Variants in FGF20 observed in about 807,000 individuals in gnomAD.
FGF20 encodes the protein fibroblast growth factor 20.
In FGF20, 8 loss-of-function variants were observed where a neutral mutation model predicts 16.7. The observed-to-expected ratio is 0.48, with a 90% CI of 0.28 to 0.87. FGF20 has a LOEUF of 0.87. Ranked by LOEUF, FGF20 falls within the 40% of genes least tolerant of loss-of-function variation. FGF20 has a pLI of 0.10. For missense variants in FGF20, 397 were observed against 281.4 expected, an observed-to-expected ratio of 1.41 and a Z score of -2.94; for synonymous variants, 161 against 118.6, an observed-to-expected ratio of 1.36 and a Z score of -2.32.
intron 1 of FGF20, 37 bp from the exon 2 acceptor site, chr8:16,995,795 T>A (rs747625402): frequency 1.6e-6 from 2 of 1,234,708 alleles, no homozygotes; most frequent in Non-Finnish European, 2.3e-6. Context: ...CACCATGTTT[T>A]GTATTTATGC....
At chr8:17,001,677 G>C in intron 1 of FGF20, 70 bp downstream of exon 1, 1 of 1,451,954 alleles carries the variant, frequency 6.9e-7, no homozygotes, top group Non-Finnish European at 9.1e-7. Flanking sequence ...AAAGAGGGAG[G>C]TGCAAGGGGA....
At chr8:16,999,421 A>C (rs1194897086) in intron 1 of FGF20, among the ~76,000 whole-genome samples, 1 of 151,864 alleles carries the variant, frequency 6.6e-6, no homozygotes, top group African/African-American at 2.4e-5. Context: ...ATATTTACTA[A>C]TCTCTCCCCA....
chr8:16,998,725 G>A (rs1328151089), intron 1 of FGF20, among the ~76,000 whole-genome samples: 1 of 151,682 alleles, frequency 6.6e-6, no homozygotes, highest in Admixed American at 6.6e-5. Flanking sequence ...TAAAGGAAAA[G>A]CCTTTAAAGA....
intron 1 of FGF20, among the ~76,000 whole-genome samples, chr8:16,998,777 T>A (rs947332307): frequency 2.0e-5 from 3 of 151,606 alleles, no homozygotes; most frequent in African/African-American, 7.3e-5. Flanking sequence ...TTTTCAGAAA[T>A]GATTCCATGT....
rs767173525 is a variant in FGF20 at position 16,993,159 on chromosome 8, C to T, written c.549G>A (p.Arg183=). 3.1e-6 allele frequency: 5 copies of T among 1,613,918 alleles called. No individual in the cohort carries two copies. The highest frequency in any genetic ancestry group is 4.5e-5 in the East Asian group (2 of 44,874). The part of the protein sequence containing the change: ...GTPRDGARSK[R]HQKFTHFLPR... ...GTAAGAAATGTGTAAATTTCTGATG[C>T]CTCTTGGACCTGGCGCCATCTCTTG... The change falls in exon 3 of 3, where the codon AGG becomes AGA. Residue 183 remains arginine (R), a synonymous_variant. Coordinates refer to ENST00000180166, the MANE Select transcript of FGF20 (RefSeq NM_019851.3).
intron 1 of FGF20, among the ~76,000 whole-genome samples, chr8:16,997,851 TTA>T (rs1810091089): frequency 6.6e-6 from 1 of 152,212 alleles, no homozygotes; most frequent in Non-Finnish European, 1.5e-5. Flanking sequence ...AATATATATA[TTA>T]ATGTAACTTC....
intron 2 of FGF20, 30 bp downstream of exon 2, chr8:16,995,625 A>G (rs1263554208): frequency 3.1e-6 from 3 of 962,990 alleles, no homozygotes; most frequent in South Asian, 3.9e-5. Flanking sequence ...AAGAATTACA[A>G]TAATAATAAA....
At chr8:16,997,185 G>A (rs903451945) in intron 1 of FGF20, among the ~76,000 whole-genome samples, 5 of 151,988 alleles carry the variant, frequency 3.3e-5, no homozygotes, top group Admixed American at 3.3e-4. Context: ...CCTCCCTCTG[G>A]ATCACCCTTT....
Position 17,001,793 on chromosome 8 carries a change from C to T in FGF20, c.240G>A (p.Leu80=). 6.4e-7 allele frequency: 1 copy of T among 1,567,926 alleles called. No individual in the cohort carries two copies. Among genetic ancestry groups the T allele is most frequent in the Non-Finnish European group, 8.6e-7 (1 of 1,161,288 alleles). Residue 80 remains leucine, a synonymous_variant, in exon 1 of 3, where the codon CTG becomes CTA. Transcript: ENST00000180166. ...GGGTGCCCTGCACGCTGCCGTCGGG[C>T]AGGATCTGCAGGTGGAAGCCGGTGC... is the stretch of plus-strand genomic sequence containing the variant. ...YCRTGFHLQI[L]PDGSVQGTRQ... is the part of the protein sequence containing the mutation.
Position 16,993,855 on chromosome 8 carries a change from C to T in FGF20, c.391-538G>A, listed in dbSNP as rs17550311. On this transcript the variant is annotated intron_variant, in intron 2 of 2. Transcript: ENST00000180166. ...TGCACAGTTCACAATAGGGTTCATG[C>T]TCCTATGAGAATTTAATGCTGCCGC... Among the ~76,000 whole-genome samples, 416 of 152,234 alleles carry T rather than the reference C, an allele frequency of 2.7e-3. 7 individuals carry two copies. Among genetic ancestry groups the T allele is most frequent in the African/African-American group, 8.2e-3 (340 of 41,542 alleles).
intron 1 of FGF20, among the ~76,000 whole-genome samples, chr8:16,998,285 C>T (rs906451962): frequency 2.0e-5 from 3 of 152,162 alleles, no homozygotes; most frequent in African/African-American, 7.2e-5. Context: ...AAACCTTATA[C>T]ATAACCAGGT....
intron 2 of FGF20, among the ~76,000 whole-genome samples, chr8:16,995,068 G>A (rs1414657477): frequency 3.9e-5 from 6 of 152,172 alleles, no homozygotes; most frequent in Non-Finnish European, 2.9e-5. Flanking sequence ...TAGACCCACA[G>A]ACGTGCACTT....
chr8:16,998,886 C>CAA lies in FGF20; in HGVS notation c.286+2859_286+2860dup, dbSNP rs34706124. Among the ~76,000 whole-genome samples the CAA allele has an allele frequency of 5.4e-4, 77 of 142,070 alleles. 1 individual carries two copies. Among genetic ancestry groups the CAA allele is most frequent in the African/African-American group, 2.0e-3 (75 of 37,476 alleles). The allele number at this position is 142,070 out of a possible 152,430, so 93.2% of individuals were successfully genotyped here. On this transcript the variant is annotated intron_variant, in intron 1 of 2. Coordinates refer to ENST00000180166, the MANE Select transcript of FGF20 (RefSeq NM_019851.3). ...CATGGCCAAATTAGTATAAAACTGG[C>CAA]AAAAAAAAAAAAGTTATTTCCTTTA...
intron 1 of FGF20, among the ~76,000 whole-genome samples, chr8:16,996,174 G>C (rs926958486): frequency 1.3e-5 from 2 of 151,982 alleles, no homozygotes; most frequent in African/African-American, 4.8e-5. Context: ...GCTTTGCTTA[G>C]TTGTTTTTTT....
At position 16,997,886 on chromosome 8, in the gene FGF20, T is replaced by C. The variant is rs77894228; in HGVS notation, c.287-2128A>G. 1.3e-4 allele frequency among the ~76,000 whole-genome samples: 20 copies of C among 152,356 alleles called. No individual in the cohort carries two copies. In the East Asian group the frequency reaches 3.7e-3, roughly 28 times the overall value. ...TTCATTCAGGCTATAATTACAAATG[T>C]ATAATTACTTTGTATTGAATGTTAC... On this transcript the variant is annotated intron_variant, in intron 1 of 2. Coordinates refer to ENST00000180166, the MANE Select transcript of FGF20 (RefSeq NM_019851.3).
chr8:16,993,674 T>C (rs1272491478), intron 2 of FGF20, among the ~76,000 whole-genome samples: 2 of 152,174 alleles, frequency 1.3e-5, no homozygotes, highest in African/African-American at 2.4e-5. Flanking sequence ...TAATATATAA[T>C]GAAATAATTA....
Position 17,001,915 on chromosome 8 carries a change from G to A in FGF20, c.118C>T (p.Arg40Cys). Residue 40 changes from arginine to cysteine, a missense_variant, in exon 1 of 3, where the codon CGC (arginine) becomes TGC (cysteine). By Grantham distance (180) the Arg-to-Cys change is radical. Coordinates refer to ENST00000180166, the MANE Select transcript of FGF20 (RefSeq NM_019851.3). ...AGERPPLLGE[R>C]RSAAERSARG... ...GCGCTCCGCTCCGCCGCGCTCCTGC[G>A]CTCGCCCAGCAGCGGCGGCCGCTCC... 2 of 1,488,650 alleles carry A rather than the reference G, an allele frequency of 1.3e-6. No homozygotes were observed. Among genetic ancestry groups the A allele is most frequent in the Non-Finnish European group, 8.9e-7 (1 of 1,120,910 alleles). The allele number at this position is 1,488,650 out of a possible 1,614,324, so 92.2% of individuals were successfully genotyped here.
At position 17,001,738 on chromosome 8, in the gene FGF20, A is replaced by G; in HGVS notation, c.286+9T>C. On this transcript the variant is annotated intron_variant, in intron 1 of 2. Coordinates refer to ENST00000180166, the MANE Select transcript of FGF20 (RefSeq NM_019851.3). The stretch of plus-strand genomic sequence containing the variant: ...CAGATGGGGGTGGGGTCGGGATGCT[A>G]GTACGTACCGAAGAGGCTGTGGTCC... 6.3e-7 allele frequency: 1 copy of G among 1,575,296 alleles called. No homozygotes were observed. Among genetic ancestry groups the G allele is most frequent in the Non-Finnish European group, 8.6e-7 (1 of 1,163,858 alleles).
chr8:17,000,031 G>A (rs969209872), intron 1 of FGF20, among the ~76,000 whole-genome samples: 1 of 152,128 alleles, frequency 6.6e-6, no homozygotes, highest in African/African-American at 2.4e-5. Flanking sequence ...AAAGGCAAGA[G>A]AACTGAGCCA....
Sources: allele counts gnomAD v4.1 joint callset (sites outside exome capture counted in the v4.1 genomes callset), GRCh38; gene constraint gnomAD v4.1.1; transcripts MANE v1.5; gene names NCBI Gene and HGNC (gene_info 2026-07-23, HGNC 2026-07-21).